HIVEP3: variants seen among roughly 807,000 people sequenced by gnomAD.
HIVEP3 encodes the protein transcription factor HIVEP3.
In HIVEP3, 49 loss-of-function variants were observed where a neutral mutation model predicts 152.8. That is an observed-to-expected ratio of 0.32 (90% CI 0.26 to 0.41). The LOEUF (loss-of-function observed/expected upper bound fraction) is 0.41. Among genes scored for constraint, HIVEP3 ranks in the 10% least tolerant of loss-of-function variants. HIVEP3 has a pLI of 1.00. For missense variants in HIVEP3, 2,790 were observed against 3,103.3 expected, an observed-to-expected ratio of 0.90 and a Z score of 2.40; for synonymous variants, 1,269 against 1,289.0, an observed-to-expected ratio of 0.98 and a Z score of 0.33.
At chr1:41,624,264 T>A (rs1293007317) in intron 3 of HIVEP3, among the ~76,000 whole-genome samples, 1 of 152,194 alleles carries the variant, frequency 6.6e-6, no homozygotes, top group Non-Finnish European at 1.5e-5. Flanking sequence ...GAAGGGGTAG[T>A]CTCCAAATTG....
intron 1 of HIVEP3, among the ~76,000 whole-genome samples, chr1:41,781,899 T>C (rs1429873376): frequency 6.6e-6 from 1 of 152,248 alleles, no homozygotes; most frequent in Non-Finnish European, 1.5e-5. Context: ...GTGTCTCTCC[T>C]CTGCTCCCAG....
intron 1 of HIVEP3, among the ~76,000 whole-genome samples, chr1:41,882,639 A>T (rs1461413091): frequency 6.6e-6 from 1 of 152,222 alleles, no homozygotes; most frequent in Admixed American, 6.5e-5. Flanking sequence ...ACCACCCATC[A>T]CATTGGAAAC....
At chr1:41,512,605 G>A (rs1642460531) in intron 8 of HIVEP3, among the ~76,000 whole-genome samples, 1 of 152,226 alleles carries the variant, frequency 6.6e-6, no homozygotes, top group South Asian at 2.1e-4. Flanking sequence ...GTGCTTCTGA[G>A]GCTAAAATAA....
chr1:41,719,125 C>A (rs1646640350), intron 1 of HIVEP3, among the ~76,000 whole-genome samples: 1 of 152,194 alleles, frequency 6.6e-6, no homozygotes, highest in Non-Finnish European at 1.5e-5. Flanking sequence ...AAGAGCTGCA[C>A]AAAGGACAAC....
chr1:41,650,212 C>A (rs918045549), intron 2 of HIVEP3, among the ~76,000 whole-genome samples: 1 of 152,000 alleles, frequency 6.6e-6, no homozygotes, highest in Non-Finnish European at 1.5e-5. Context: ...ACCCGAGGGA[C>A]TGCTGGGGAA....
At chr1:41,552,341 A>G (rs948965321) in intron 5 of HIVEP3, among the ~76,000 whole-genome samples, 2 of 146,722 alleles carry the variant, frequency 1.4e-5, no homozygotes, top group African/African-American at 5.0e-5. Flanking sequence ...AGCATTAGGT[A>G]TATCTCCCAA....
intron 1 of HIVEP3, among the ~76,000 whole-genome samples, chr1:41,801,192 G>A (rs1650282552): frequency 6.6e-6 from 1 of 152,174 alleles, no homozygotes; most frequent in South Asian, 2.1e-4. Flanking sequence ...AGGAAGAGAG[G>A]TCCCTGCAGG....
At chr1:41,729,625 G>A (rs574899398) in intron 1 of HIVEP3, among the ~76,000 whole-genome samples, 2 of 152,340 alleles carry the variant, frequency 1.3e-5, no homozygotes, top group Non-Finnish European at 2.9e-5. Flanking sequence ...TACAGAAGGA[G>A]AAAGTGAAGA....
chr1:41,741,257 G>A (rs1646992688), intron 1 of HIVEP3, among the ~76,000 whole-genome samples: 1 of 152,106 alleles, frequency 6.6e-6, no homozygotes, highest in South Asian at 2.1e-4. Context: ...TAGCACCTTT[G>A]TCTTCCTCCT....
At chr1:41,557,266 G>C (rs1643981002) in intron 5 of HIVEP3, among the ~76,000 whole-genome samples, 1 of 152,196 alleles carries the variant, frequency 6.6e-6, no homozygotes, top group Non-Finnish European at 1.5e-5. Context: ...TCTGGTCCCT[G>C]CCTTTAAGGA....
intron 1 of HIVEP3, among the ~76,000 whole-genome samples, chr1:41,904,696 G>A (rs1254519154): frequency 1.3e-5 from 2 of 152,188 alleles, no homozygotes; most frequent in African/African-American, 2.4e-5. Context: ...AAGATCAATT[G>A]TGCATTTTGA....
chr1:41,930,052 C>A (rs1208477397), intron 1 of HIVEP3, among the ~76,000 whole-genome samples: 1 of 152,088 alleles, frequency 6.6e-6, no homozygotes, highest in African/African-American at 2.4e-5. Context: ...CCTTCTTCCT[C>A]ATCATCTTCA....
chr1:41,861,116 C>T (rs979986671), intron 1 of HIVEP3, among the ~76,000 whole-genome samples: 3 of 152,208 alleles, frequency 2.0e-5, no homozygotes, highest in African/African-American at 7.2e-5. Context: ...TATAGCACTG[C>T]CTGTGTCCGT....
chr1:41,730,512 G>A (rs908885297), intron 1 of HIVEP3, among the ~76,000 whole-genome samples: 5 of 152,254 alleles, frequency 3.3e-5, no homozygotes, highest in Non-Finnish European at 5.9e-5. Flanking sequence ...CTGGGGCAGA[G>A]CCAGGCCTGG....
At chr1:41,780,664 C>G (rs141460050) in intron 1 of HIVEP3, among the ~76,000 whole-genome samples, 370 of 152,282 alleles carry the variant, frequency 2.4e-3, no homozygotes, top group African/African-American at 8.5e-3. Context: ...AATGCAGGAC[C>G]GAACTGGAGG....
At chr1:41,639,000 G>A (rs970813976) in intron 2 of HIVEP3, among the ~76,000 whole-genome samples, 4 of 152,200 alleles carry the variant, frequency 2.6e-5, no homozygotes, top group Admixed American at 1.3e-4. Context: ...GGCTGGCCCT[G>A]AGGCCCCTGC....
upstream of HIVEP3, among the ~76,000 whole-genome samples, chr1:41,918,985 T>C (rs1024850765): frequency 6.6e-6 from 1 of 152,156 alleles, no homozygotes; most frequent in African/African-American, 2.4e-5. This position sits in a 1 kb window ranked among gnomAD's most constrained non-coding sequence, Gnocchi z 4.3. Flanking sequence ...TCGGAATAGC[T>C]GTCACTCCCA....
At chr1:42,020,078 T>C (rs577070615) in intron 1 of HIVEP3, among the ~76,000 whole-genome samples, 1 of 152,144 alleles carries the variant, frequency 6.6e-6, no homozygotes, top group South Asian at 2.1e-4. Context: ...GTATTATCTT[T>C]TTTATGTATC....
intron 1 of HIVEP3, among the ~76,000 whole-genome samples, chr1:41,912,034 AAC>A (rs1644804005): frequency 6.6e-6 from 1 of 152,212 alleles, no homozygotes; most frequent in African/African-American, 2.4e-5. Flanking sequence ...AAAAGAATAA[AAC>A]AGTGTGATTC....
Sources: allele counts gnomAD v4.1 joint callset (sites outside exome capture counted in the v4.1 genomes callset), GRCh38; gene constraint gnomAD v4.1.1; non-coding constraint Gnocchi (gnomAD v3.1); transcripts MANE v1.5; gene names NCBI Gene and HGNC (gene_info 2026-07-23, HGNC 2026-07-21).